Variants in RAP1GAP2 observed in about 807,000 individuals in gnomAD.
RAP1GAP2 encodes RAP1 GTPase activating protein 2, also known as rap1 GTPase-activating protein 2.
In RAP1GAP2, 27 loss-of-function variants were observed where a neutral mutation model predicts 95.0. The ratio of observed to expected loss-of-function variants is 0.28; its 90% CI spans 0.21 to 0.39. The LOEUF (loss-of-function observed/expected upper bound fraction) is 0.39, where lower values mean the gene tolerates loss of function less well. Ranked by LOEUF, RAP1GAP2 falls within the 10% of genes least tolerant of loss-of-function variation. The pLI is 1.00. For synonymous variants in RAP1GAP2, 373 were observed against 380.9 expected (o/e 0.98, Z 0.24); for missense variants, 771 against 970.0 (o/e 0.79, Z 2.72).
intron 2 of RAP1GAP2, among the ~76,000 whole-genome samples, chr17:2,889,889 A>ATATTTTTTTTTTTT (rs1408426152): frequency 8.7e-5 from 5 of 57,318 alleles, no homozygotes; most frequent in East Asian, 6.3e-4. Flanking sequence ...ATATATATAT[A>ATATTTTTTTTTTTT]TTTTTTTTTT....
At chr17:3,012,627 A>C (rs960298891) in intron 17 of RAP1GAP2, among the ~76,000 whole-genome samples, 6 of 149,284 alleles carry the variant, frequency 4.0e-5, no homozygotes, top group East Asian at 1.9e-4. Flanking sequence ...AAAAAAAAAA[A>C]AAAACAAACC....
chr17:2,976,047 A>G (rs182838556), intron 8 of RAP1GAP2, among the ~76,000 whole-genome samples: 1 of 152,306 alleles, frequency 6.6e-6, no homozygotes, highest in Admixed American at 6.5e-5. Flanking sequence ...TCTAACAGTC[A>G]TTAACTTGTA....
At chr17:2,807,244 A>G (rs956022678) in intron 2 of RAP1GAP2, among the ~76,000 whole-genome samples, 2 of 152,160 alleles carry the variant, frequency 1.3e-5, no homozygotes, top group Non-Finnish European at 2.9e-5. Flanking sequence ...TGAAGGCCAC[A>G]CCTACCAATT....
At position 2,935,587 on chromosome 17, in the gene RAP1GAP2, A is replaced by AC. The variant is rs199670999; in HGVS notation, c.166-22165dup. On this transcript the variant is annotated intron_variant, in intron 3 of 24. Coordinates refer to ENST00000254695, the MANE Select transcript of RAP1GAP2 (RefSeq NM_015085.5). Reference sequence around the variant, plus strand: ...ATAGAGTGAGAGATCAATAAATGTCACCCCCCCGCCCCCATCCTGAAATTA... The same window carrying AC: ...ATAGAGTGAGAGATCAATAAATGTCACCCCCCCCGCCCCCATCCTGAAATTA... Among the ~76,000 whole-genome samples the AC allele has an allele frequency of 7.4e-3, 1,121 of 150,948 alleles. 12 individuals are homozygous for AC. The highest frequency in any genetic ancestry group is 0.025 in the African/African-American group (1,035 of 41,090).
At chr17:2,960,583 GC>G (rs1325215777) in intron 4 of RAP1GAP2, among the ~76,000 whole-genome samples, 1 of 152,232 alleles carries the variant, frequency 6.6e-6, no homozygotes, top group Admixed American at 6.5e-5. Flanking sequence ...CGCTTGGTGA[GC>G]CGGTGACCCG....
intron 1 of RAP1GAP2, among the ~76,000 whole-genome samples, chr17:2,767,487 G>A (rs2068299251): frequency 6.6e-6 from 1 of 151,188 alleles, no homozygotes; most frequent in Non-Finnish European, 1.5e-5. Context: ...CCCCAACCCA[G>A]GAGGTGACTT....
Position 3,008,896 on chromosome 17 carries a change from G to T in RAP1GAP2, c.1494+751G>T, listed in dbSNP as rs187607957. 2.0e-5 allele frequency among the ~76,000 whole-genome samples: 3 copies of T among 152,316 alleles called. No homozygotes were observed. The East Asian group carries it at 5.8e-4, about 29-fold the overall frequency. On this transcript the variant is annotated intron_variant, in intron 17 of 24. Transcript: ENST00000254695. This position sits in a 1 kb window ranked among gnomAD's most constrained non-coding sequence, Gnocchi z 4.2. Reference sequence around the variant, plus strand: ...TGTTATATTCACGAACACACGTGGGGACAGGATGAGAGACGCCACAGGCCT... The same window carrying T: ...TGTTATATTCACGAACACACGTGGGTACAGGATGAGAGACGCCACAGGCCT...
intron 2 of RAP1GAP2, among the ~76,000 whole-genome samples, chr17:2,800,855 CT>C (rs869143308): frequency 3.1e-4 from 16 of 51,594 alleles, no homozygotes; most frequent in African/African-American, 7.8e-4. Flanking sequence ...TTCTTTCTTT[CT>C]TTTTTTTTTT....
intron 10 of RAP1GAP2, among the ~76,000 whole-genome samples, chr17:2,983,706 C>T (rs189522395): frequency 6.6e-6 from 1 of 152,226 alleles, no homozygotes; most frequent in East Asian, 1.9e-4. Context: ...CATTACTATT[C>T]CTTGTACAGG....
At chr17:2,952,100 G>A (rs1443910117) in intron 3 of RAP1GAP2, among the ~76,000 whole-genome samples, 1 of 152,126 alleles carries the variant, frequency 6.6e-6, no homozygotes, top group African/African-American at 2.4e-5. Flanking sequence ...TGTACCTTCA[G>A]CCTCATTTTG....
chr17:2,860,594 C>G (rs1413055865), intron 2 of RAP1GAP2, among the ~76,000 whole-genome samples: 3 of 96,066 alleles, frequency 3.1e-5, no homozygotes, highest in Non-Finnish European at 5.9e-5. Flanking sequence ...ACTTATTTAT[C>G]TTTTTTTTTT....
chr17:2,940,151 C>T (rs113984616), intron 3 of RAP1GAP2, among the ~76,000 whole-genome samples: 5 of 152,268 alleles, frequency 3.3e-5, no homozygotes, highest in African/African-American at 9.6e-5. Context: ...AACAGAGCCT[C>T]TCCTGTTGTC....
chr17:2,756,857 T>C (rs922195145), intron 1 of RAP1GAP2, among the ~76,000 whole-genome samples: 1 of 152,068 alleles, frequency 6.6e-6, no homozygotes, highest in Non-Finnish European at 1.5e-5. Context: ...GGGAAAAGGA[T>C]TCAAGGTCAC....
At chr17:2,801,712 G>A (rs972872147) in intron 2 of RAP1GAP2, among the ~76,000 whole-genome samples, 2 of 149,980 alleles carry the variant, frequency 1.3e-5, no homozygotes, top group South Asian at 4.3e-4. Context: ...CTGGCCCTGG[G>A]GCTTTCTGAG....
chr17:3,001,102 G>A (rs1315165462), intron 14 of RAP1GAP2, among the ~76,000 whole-genome samples: 2 of 30,740 alleles, frequency 6.5e-5, no homozygotes, highest in Non-Finnish European at 1.0e-4. Context: ...AACAGTATCA[G>A]CCTCAGGGCC....
chr17:2,995,601 G>C (rs3816274), intron 13 of RAP1GAP2, 135 bp downstream of exon 13: 1 of 1,259,448 alleles, frequency 7.9e-7, no homozygotes. Context: ...CTGCGCAGCA[G>C]CGTCACAGTC....
intron 2 of RAP1GAP2, among the ~76,000 whole-genome samples, chr17:2,897,792 G>A (rs141432431): frequency 7.2e-5 from 11 of 152,244 alleles, no homozygotes; most frequent in Non-Finnish European, 1.5e-4. Flanking sequence ...CAGCCTCCAC[G>A]TGCTTGTCTG....
intron 2 of RAP1GAP2, among the ~76,000 whole-genome samples, chr17:2,770,901 C>T (rs773049017): frequency 1.3e-5 from 2 of 152,016 alleles, no homozygotes; most frequent in African/African-American, 2.4e-5. Context: ...ATTAGCTGAG[C>T]GTGGTGGCAC....
intron 18 of RAP1GAP2, among the ~76,000 whole-genome samples, chr17:3,018,731 G>A (rs1351211434): frequency 6.6e-6 from 1 of 152,158 alleles, no homozygotes; most frequent in Non-Finnish European, 1.5e-5. Flanking sequence ...GCCCGCTGGG[G>A]CTCAGTAACT....
Sources: allele counts gnomAD v4.1 joint callset (sites outside exome capture counted in the v4.1 genomes callset), GRCh38; gene constraint gnomAD v4.1.1; non-coding constraint Gnocchi (gnomAD v3.1); transcripts MANE v1.5; gene names NCBI Gene and HGNC (gene_info 2026-07-23, HGNC 2026-07-21).